RAPGEF1: variants seen among roughly 807,000 people sequenced by gnomAD.
The protein encoded by RAPGEF1 is CRK SH3-binding GNRP.
A neutral mutation model predicts 143.3 loss-of-function variants in RAPGEF1; 33 were observed. The observed-to-expected ratio is 0.23, with a 90% confidence interval of 0.17 to 0.31. The LOEUF (loss-of-function observed/expected upper bound fraction) is 0.31, where lower values mean the gene tolerates loss of function less well. Among genes scored for constraint, RAPGEF1 ranks in the 10% least tolerant of loss-of-function variants. The pLI, the probability that RAPGEF1 is intolerant of heterozygous loss-of-function variation, is 1.00. For synonymous variants in RAPGEF1, 629 were observed against 676.5 expected (o/e 0.93, Z 1.09); for missense variants, 1,199 against 1,645.4 (o/e 0.73, Z 4.69).
Position 131,630,455 on chromosome 9 carries a change from T to C in RAPGEF1, c.652-131A>G. On this transcript the variant is annotated intron_variant, in intron 5 of 26. Transcript: ENST00000683357. ...GTGCCTACAGATTCCCCACGCACCATAAACGCAAGTATCACTTGCCTTAGG... is the reference window on the plus strand; with the variant it reads ...GTGCCTACAGATTCCCCACGCACCACAAACGCAAGTATCACTTGCCTTAGG... 15 of 802,074 alleles carry C rather than the reference T, an allele frequency of 1.9e-5. No homozygotes were observed. The South Asian group carries it at 2.4e-4, about 13-fold the overall frequency. The allele number at this position is 802,074 out of a possible 1,614,324, so 49.7% of individuals were successfully genotyped here.
chr9:131,661,238 T>A (rs1973995393), intron 1 of RAPGEF1, among the ~76,000 whole-genome samples: 1 of 152,194 alleles, frequency 6.6e-6, no homozygotes, highest in South Asian at 2.1e-4. Context: ...GCAGGACGGG[T>A]GAACCGTGGC....
chr9:131,652,928 C>T (rs558481872), intron 1 of RAPGEF1, among the ~76,000 whole-genome samples: 1 of 152,212 alleles, frequency 6.6e-6, no homozygotes, highest in African/African-American at 2.4e-5. Context: ...TAATGCATTG[C>T]GCTGGATGTA....
chr9:131,609,184 C>T (rs927710568), intron 12 of RAPGEF1, among the ~76,000 whole-genome samples: 3 of 152,026 alleles, frequency 2.0e-5, no homozygotes, highest in Non-Finnish European at 2.9e-5. Context: ...CAGGGACTGC[C>T]TCATGAGGAC....
intron 1 of RAPGEF1, among the ~76,000 whole-genome samples, chr9:131,739,547 G>T (rs1449837493): frequency 6.6e-6 from 1 of 150,772 alleles, no homozygotes; most frequent in Non-Finnish European, 1.5e-5. Flanking sequence ...GCCCCGCCCG[G>T]CCCGGCCCCT....
intron 10 of RAPGEF1, among the ~76,000 whole-genome samples, chr9:131,625,678 C>G (rs1178733278): frequency 6.6e-6 from 1 of 152,186 alleles, no homozygotes; most frequent in East Asian, 1.9e-4. Flanking sequence ...ATCCCTCAGG[C>G]TACATGGAGA....
Position 131,584,730 on chromosome 9 carries a change from C to A in RAPGEF1, c.3234-134G>T. On this transcript the variant is annotated intron_variant, in intron 22 of 26. Transcript: ENST00000683357. The surrounding 1 kb of genome is among the most constrained non-coding windows in gnomAD (Gnocchi z 6.8). ...CCCACCCCTACTGAATACCTGCAGC[C>A]TGCCCCAGGCATAGATCTAGTTTCT... The A allele has an allele frequency of 2.7e-6, 2 of 744,514 alleles. No individual in the cohort carries two copies. The highest frequency in any genetic ancestry group is 1.7e-5 in the South Asian group (1 of 60,490). 46.1% of individuals were successfully genotyped at this position (744,514 alleles called of 1,614,324 possible).
rs771637058 is a variant in RAPGEF1 at position 131,584,268 on chromosome 9, C to T, written c.3414+43G>A. ...TAGTCGCCTGAGGGCTGGGCGGCCC[C>T]CCTTACCAGCCACCCTCCCGCCCAC... On this transcript the variant is annotated intron_variant, in intron 24 of 26. Coordinates refer to ENST00000683357, the MANE Select transcript of RAPGEF1 (RefSeq NM_001377935.1). This position sits in a 1 kb window ranked among gnomAD's most constrained non-coding sequence, Gnocchi z 6.8. 25 of 1,533,152 alleles carry T rather than the reference C, an allele frequency of 1.6e-5. No individual in the cohort carries two copies. The highest frequency in any genetic ancestry group is 2.1e-5 in the Non-Finnish European group (24 of 1,123,544). The allele number at this position is 1,533,152 out of a possible 1,614,324, so 95.0% of individuals were successfully genotyped here.
intron 1 of RAPGEF1, among the ~76,000 whole-genome samples, chr9:131,671,756 G>T (rs1389575331): frequency 3.3e-5 from 5 of 152,136 alleles, no homozygotes; most frequent in African/African-American, 1.2e-4. Context: ...TGAGCTGGGG[G>T]AGAACAGGTG....
At chr9:131,719,916 C>T (rs1262181824) in intron 1 of RAPGEF1, among the ~76,000 whole-genome samples, 1 of 146,672 alleles carries the variant, frequency 6.8e-6, no homozygotes, top group South Asian at 2.1e-4. Context: ...ACAAGAGTCT[C>T]ACTCTGTCAC....
intron 1 of RAPGEF1, among the ~76,000 whole-genome samples, chr9:131,668,087 CAG>C (rs1485190247): frequency 6.6e-6 from 1 of 152,144 alleles, no homozygotes; most frequent in Non-Finnish European, 1.5e-5. Context: ...AGGATTTAAA[CAG>C]AACCCACAGC....
At chr9:131,602,028 G>A (rs750575565) in intron 15 of RAPGEF1, 33 bp downstream of exon 15, 2 of 1,535,176 alleles carry the variant, frequency 1.3e-6, no homozygotes, top group East Asian at 2.4e-5. Flanking sequence ...CACTGCTCTC[G>A]GGGGACCCAG....
intron 10 of RAPGEF1, among the ~76,000 whole-genome samples, chr9:131,623,750 G>A (rs1226972180): frequency 6.6e-6 from 1 of 152,246 alleles, no homozygotes; most frequent in East Asian, 1.9e-4. Flanking sequence ...AGGGACTCAT[G>A]GGGCTGCTCC....
intron 5 of RAPGEF1, among the ~76,000 whole-genome samples, chr9:131,636,076 G>C (rs1197675977): frequency 6.6e-6 from 1 of 152,236 alleles, no homozygotes; most frequent in East Asian, 1.9e-4. Context: ...AAGCGTCTCT[G>C]ACCACCCTGA....
Position 131,626,209 on chromosome 9 carries a change from G to A in RAPGEF1, c.1415C>T (p.Ala472Val), listed in dbSNP as rs1962982904. Residue 472 changes from alanine to valine, a missense_variant, in exon 10 of 27, where the codon GCT (alanine) becomes GTT (valine). By Grantham distance (64) the Ala-to-Val change is moderately conservative (BLOSUM62 0). This residue lies in a region of RAPGEF1 where 613 missense variants were observed against 710.9 expected (regional missense o/e 0.86). Coordinates refer to ENST00000683357, the MANE Select transcript of RAPGEF1 (RefSeq NM_001377935.1). ...GCTCCTGCGCTTCTTCTCGGGGAGAGCAGGTGGCGTATCTGTCTGCTGCCC... is the reference window on the plus strand; with the variant it reads ...GCTCCTGCGCTTCTTCTCGGGGAGAACAGGTGGCGTATCTGTCTGCTGCCC... ...APGQQTDTPP[A>V]LPEKKRRSAA... is the part of the protein sequence containing the mutation. 1 of 1,613,920 alleles carries A rather than the reference G, an allele frequency of 6.2e-7. No individual in the cohort carries two copies. The highest frequency in any genetic ancestry group is 8.5e-7 in the Non-Finnish European group (1 of 1,179,822).
chr9:131,627,540 G>T (rs1023478132), intron 9 of RAPGEF1, among the ~76,000 whole-genome samples: 1 of 152,164 alleles, frequency 6.6e-6, no homozygotes, highest in Non-Finnish European at 1.5e-5. Flanking sequence ...GCCGGCTCGC[G>T]CGGCTCCCTC....
intron 12 of RAPGEF1, among the ~76,000 whole-genome samples, chr9:131,612,461 C>A (rs1427969069): frequency 6.6e-6 from 1 of 152,192 alleles, no homozygotes; most frequent in Admixed American, 6.5e-5. Context: ...GCCCCCAATG[C>A]GAGGCACTCT....
At chr9:131,730,478 A>G (rs1472084351) in intron 1 of RAPGEF1, among the ~76,000 whole-genome samples, 1 of 151,534 alleles carries the variant, frequency 6.6e-6, no homozygotes, top group Non-Finnish European at 1.5e-5. Context: ...GGAGTTCAAG[A>G]CCAGCCTGGC....
chr9:131,649,777 C>T (rs1044673973), intron 3 of RAPGEF1, among the ~76,000 whole-genome samples: 2 of 152,124 alleles, frequency 1.3e-5, no homozygotes, highest in African/African-American at 2.4e-5. Flanking sequence ...AGCCTTTTCC[C>T]TTCTAAACTA....
intron 1 of RAPGEF1, among the ~76,000 whole-genome samples, chr9:131,672,753 C>A (rs1446373409): frequency 6.6e-6 from 1 of 152,134 alleles, no homozygotes; most frequent in African/African-American, 2.4e-5. Flanking sequence ...TAGGATAAGC[C>A]CCTCCTGGTT....
Sources: allele counts gnomAD v4.1 joint callset (sites outside exome capture counted in the v4.1 genomes callset), GRCh38; gene constraint gnomAD v4.1.1; regional missense constraint gnomAD v4.1.1; non-coding constraint Gnocchi (gnomAD v3.1); transcripts MANE v1.5; gene names NCBI Gene and HGNC (gene_info 2026-07-23, HGNC 2026-07-21).